Variants in OTX1 observed in about 807,000 individuals in gnomAD.
OTX1 encodes the protein homeobox protein OTX1.
In OTX1, 7 loss-of-function variants were observed where a neutral mutation model predicts 26.7. The ratio of observed to expected loss-of-function variants is 0.26; its 90% CI spans 0.15 to 0.49. The LOEUF (loss-of-function observed/expected upper bound fraction) is 0.49. Among genes scored for constraint, OTX1 ranks in the 20% least tolerant of loss-of-function variants. OTX1 has a pLI of 0.98. For synonymous variants in OTX1, 216 were observed against 212.8 expected (o/e 1.01, Z -0.13); for missense variants, 414 against 483.8 (o/e 0.86, Z 1.35).
rs146221955 is a variant in OTX1 at position 63,055,585 on chromosome 2, T to G, written c.334T>G (p.Ser112Ala). Residue 112 changes from serine to alanine, a missense_variant, in exon 5 of 5, where the codon TCC (serine) becomes GCC (alanine). Ser to Ala is a moderately conservative substitution (Grantham distance 99, BLOSUM62 1). Coordinates refer to ENST00000282549, the MANE Select transcript of OTX1 (RefSeq NM_014562.4). The surrounding 1 kb of genome is among the most constrained non-coding windows in gnomAD (Gnocchi z 5.2). ...GTKSRPAKKK[S>A]SPVRESSGSE... ...CAAGAGCCGCCCAGCCAAGAAGAAGTCCTCTCCAGTGCGGGAGAGCTCGGG... is the reference window on the plus strand; with the variant it reads ...CAAGAGCCGCCCAGCCAAGAAGAAGGCCTCTCCAGTGCGGGAGAGCTCGGG... 2 of 1,613,940 alleles carry G rather than the reference T, an allele frequency of 1.2e-6. No homozygotes were observed. Among genetic ancestry groups the G allele is most frequent in the South Asian group, 2.2e-5 (2 of 91,072 alleles).
In OTX1 at chr2:63,052,968, G is replaced by T; in HGVS notation, c.-23G>T. 6.3e-7 allele frequency: 1 copy of T among 1,576,646 alleles called. No individual in the cohort carries two copies. Among genetic ancestry groups the T allele is most frequent in the Non-Finnish European group, 8.7e-7 (1 of 1,149,918 alleles). ...GCCCCGGGCCCCCTGGATCCGTCGG[G>T]GCGCCTCCACCCAGCTGTTAGCATG... is the stretch of plus-strand genomic sequence containing the variant. On this transcript the variant is annotated 5_prime_UTR_variant, in exon 3 of 5. Coordinates refer to ENST00000282549, the MANE Select transcript of OTX1 (RefSeq NM_014562.4).
intron 3 of OTX1, chr2:63,053,312 G>A (rs550183594): frequency 1.4e-5 from 6 of 444,128 alleles, no homozygotes; most frequent in Non-Finnish European, 2.4e-5. Context: ...GCGCCTTCCC[G>A]GCCGGATCAC....
upstream of OTX1, chr2:63,050,717 C>CAG (rs2153387585): frequency 6.6e-6 from 1 of 152,216 alleles, no homozygotes; most frequent in African/African-American, 2.4e-5. Context: ...CCGGCTCGCG[C>CAG]AGCCATTGCC....
Position 63,056,853 on chromosome 2 carries a change from G to A in OTX1, c.*537G>A, listed in dbSNP as rs1011932421. On this transcript the variant is annotated 3_prime_UTR_variant, in exon 5 of 5. Transcript: ENST00000282549. Reference sequence around the variant, plus strand: ...CCCTCGATTTTGCTCCACGCCTGCCGGCCAGAGCCTCCCGGCGTTTCTTCC... The same window carrying A: ...CCCTCGATTTTGCTCCACGCCTGCCAGCCAGAGCCTCCCGGCGTTTCTTCC... 1 of 154,252 alleles carries A rather than the reference G, an allele frequency of 6.5e-6. No individual in the cohort carries two copies. Among genetic ancestry groups the A allele is most frequent in the Non-Finnish European group, 1.4e-5 (1 of 69,388 alleles). The allele number at this position is 154,252 out of a possible 1,614,324, so 9.6% of individuals were successfully genotyped here.
chr2:63,055,696 C>CCAGCGGCTG lies in OTX1; in HGVS notation c.456_464dup (p.Ala153_Ala155dup). ...CTCGGCGTCCAGCTCTTCCGCCAACCCAGCGGCTGCAGCGGCTGCGGGACT... is the reference window on the plus strand; with the variant it reads ...CTCGGCGTCCAGCTCTTCCGCCAACCCAGCGGCTGCAGCGGCTGCAGCGGCTGCGGGACT... On this transcript the variant is annotated inframe_insertion, in exon 5 of 5. Coordinates refer to ENST00000282549, the MANE Select transcript of OTX1 (RefSeq NM_014562.4). This position sits in a 1 kb window ranked among gnomAD's most constrained non-coding sequence, Gnocchi z 5.2. The CCAGCGGCTG allele has an allele frequency of 1.2e-6, 2 of 1,613,628 alleles. No homozygotes were observed. The highest frequency in any genetic ancestry group is 1.7e-6 in the Non-Finnish European group (2 of 1,179,924).
At position 63,050,849 on chromosome 2, in the gene OTX1, A is replaced by G. The variant is rs1219640243; in HGVS notation, c.-229A>G. The G allele has an allele frequency of 6.6e-6, 1 of 152,266 alleles. No homozygotes were observed. The highest frequency in any genetic ancestry group is 1.5e-5 in the Non-Finnish European group (1 of 68,078). The allele number at this position is 152,266 out of a possible 1,614,324, so 9.4% of individuals were successfully genotyped here. On this transcript the variant is annotated 5_prime_UTR_variant, in exon 1 of 5. Transcript: ENST00000282549. ...AAAGGTGATCAATCTTCATCAGGCTACATTTCCAATCACCTAAACAACCGA... is the reference window on the plus strand; with the variant it reads ...AAAGGTGATCAATCTTCATCAGGCTGCATTTCCAATCACCTAAACAACCGA...
chr2:63,056,578 T>C lies in OTX1; in HGVS notation c.*262T>C. 1.8e-6 allele frequency: 1 copy of C among 545,042 alleles called. No individual in the cohort carries two copies. The highest frequency in any genetic ancestry group is 3.0e-5 in the East Asian group (1 of 33,404). 33.8% of individuals were successfully genotyped at this position (545,042 alleles called of 1,614,324 possible). ...CACATTCTATACAGGAGAGATGTAT[T>C]ATTTCCCCCCTTCAGCCCCTACTAA... On this transcript the variant is annotated 3_prime_UTR_variant, in exon 5 of 5. Coordinates refer to ENST00000282549, the MANE Select transcript of OTX1 (RefSeq NM_014562.4).
Position 63,055,140 on chromosome 2 carries a change from A to G in OTX1, c.250-361A>G, listed in dbSNP as rs972391706. Among the ~76,000 whole-genome samples, 1 of 152,116 alleles carries G rather than the reference A, an allele frequency of 6.6e-6. No individual in the cohort carries two copies. The highest frequency in any genetic ancestry group is 1.5e-5 in the Non-Finnish European group (1 of 68,018). On this transcript the variant is annotated intron_variant, in intron 4 of 4. Transcript: ENST00000282549. This position sits in a 1 kb window ranked among gnomAD's most constrained non-coding sequence, Gnocchi z 5.2. ...TAGAAAACTGGGCCTCCAAACACACACGGGGCCTCCAAACATACACGGAAG... is the reference window on the plus strand; with the variant it reads ...TAGAAAACTGGGCCTCCAAACACACGCGGGGCCTCCAAACATACACGGAAG...
Position 63,054,141 on chromosome 2 carries a change from C to T in OTX1, c.192C>T (p.Asp64=), listed in dbSNP as rs2062047083. 1 of 1,612,214 alleles carries T rather than the reference C, an allele frequency of 6.2e-7. No homozygotes were observed. The highest frequency in any genetic ancestry group is 1.1e-5 in the South Asian group (1 of 90,850). ...TCTTCGCCAAGACTCGCTACCCTGACATCTTCATGCGGGAGGAGGTGGCGC... is the reference window on the plus strand; with the variant it reads ...TCTTCGCCAAGACTCGCTACCCTGATATCTTCATGCGGGAGGAGGTGGCGC... ...EALFAKTRYP[D]IFMREEVALK... The change falls in exon 4 of 5, where the codon GAC becomes GAT. Residue 64 remains aspartate (D), a synonymous_variant. Transcript: ENST00000282549.
In OTX1 at chr2:63,056,328, A is replaced by G. The variant is rs777223000; in HGVS notation, c.*12A>G. 2.5e-6 allele frequency: 4 copies of G among 1,598,720 alleles called. No individual in the cohort carries two copies. In the Admixed American group the frequency reaches 6.8e-5, roughly 27 times the overall value. Reference sequence around the variant, plus strand: ...TCCAGGTCTTGTGAGCCCAGGAATGAAAGAGGAGAAGAAACGCAACTACCT... The same window carrying G: ...TCCAGGTCTTGTGAGCCCAGGAATGGAAGAGGAGAAGAAACGCAACTACCT... On this transcript the variant is annotated 3_prime_UTR_variant, in exon 5 of 5. Coordinates refer to ENST00000282549, the MANE Select transcript of OTX1 (RefSeq NM_014562.4).
chr2:63,053,404 AT>A, intron 3 of OTX1: 1 of 314,744 alleles, frequency 3.2e-6, no homozygotes, highest in Non-Finnish European at 5.7e-6. Context: ...GGCGGCTAGT[AT>A]TTTTCCTTTT....
At chr2:63,052,448 C>A (rs2153387813) in intron 2 of OTX1, among the ~76,000 whole-genome samples, 1 of 152,372 alleles carries the variant, frequency 6.6e-6, no homozygotes, top group Middle Eastern at 3.4e-3. Flanking sequence ...GTAGTCTCTA[C>A]CTTTTCAAAA....
chr2:63,055,452 G>A lies in OTX1; in HGVS notation c.250-49G>A, dbSNP rs2062056606. The A allele has an allele frequency of 6.5e-7, 1 of 1,545,310 alleles. No individual in the cohort carries two copies. The highest frequency in any genetic ancestry group is 2.3e-5 in the East Asian group (1 of 44,126). On this transcript the variant is annotated intron_variant, in intron 4 of 4. Transcript: ENST00000282549. The surrounding 1 kb of genome is among the most constrained non-coding windows in gnomAD (Gnocchi z 5.2). ...GGTCCGCGGGGCGGTGGAGCAACAA[G>A]CTCCCCTAGCTCCCTTTGACCCACT...
intron 2 of OTX1, chr2:63,051,816 C>G (rs1056981280): frequency 6.6e-6 from 1 of 152,568 alleles, no homozygotes; most frequent in East Asian, 1.9e-4. Context: ...AGCGATGGCC[C>G]CCCAGGGCCC....
At position 63,055,484 on chromosome 2, in the gene OTX1, C is replaced by T; in HGVS notation, c.250-17C>T. The stretch of plus-strand genomic sequence containing the variant: ...TAGCTCCCTTTGACCCACTCTCCCC[C>T]ATCCGGCCCACTGCAGGTCTGGTTC... On this transcript the variant is annotated splice_polypyrimidine_tract_variant and intron_variant, in intron 4 of 4. Coordinates refer to ENST00000282549, the MANE Select transcript of OTX1 (RefSeq NM_014562.4). The surrounding 1 kb of genome is among the most constrained non-coding windows in gnomAD (Gnocchi z 5.2). 1 of 1,605,686 alleles carries T rather than the reference C, an allele frequency of 6.2e-7. No homozygotes were observed. Among genetic ancestry groups the T allele is most frequent in the Non-Finnish European group, 8.5e-7 (1 of 1,175,182 alleles).
At chr2:63,053,809 A>G (rs2062044654) in intron 3 of OTX1, 1 of 536,196 alleles carries the variant, frequency 1.9e-6, no homozygotes, top group South Asian at 2.4e-5. Flanking sequence ...TTAACCTCTG[A>G]GAGGCATAGA....
At position 63,056,105 on chromosome 2, in the gene OTX1, C is replaced by A. The variant is rs1274914676; in HGVS notation, c.854C>A (p.Pro285Gln). 2 of 1,614,000 alleles carry A rather than the reference C, an allele frequency of 1.2e-6. No homozygotes were observed. The highest frequency in any genetic ancestry group is 1.3e-5 in the African/African-American group (1 of 75,014). ...CATCACCACCCACATGCGCACCACC[C>A]GTTGAGCCAGTCCTCAGGCCACCAC... ...HHHHHPHAHH[P>Q]LSQSSGHHHH... Residue 285 changes from proline (P) to glutamine (Q), a missense_variant, in exon 5 of 5, where the codon CCG (proline) becomes CAG (glutamine). By Grantham distance (76) the Pro-to-Gln change is moderately conservative. This residue lies in a region of OTX1 where 320 missense variants were observed against 347.9 expected (regional missense o/e 0.92). Coordinates refer to ENST00000282549, the MANE Select transcript of OTX1 (RefSeq NM_014562.4).
rs2062058941 is a variant in OTX1 at position 63,055,721 on chromosome 2, T to C, written c.470T>C (p.Leu157Pro). The C allele has an allele frequency of 1.2e-6, 2 of 1,613,078 alleles. No individual in the cohort carries two copies. Among genetic ancestry groups the C allele is most frequent in the Non-Finnish European group, 1.7e-6 (2 of 1,179,826 alleles). ...ANPAAAAAAG[L>P]GGNPVAAASS... ...CCAGCGGCTGCAGCGGCTGCGGGAC[T>C]AGGTGGGAACCCGGTGGCGGCCGCG... Residue 157 changes from leucine (L) to proline (P), a missense_variant, in exon 5 of 5, where the codon CTA becomes CCA. Leu to Pro is a moderately conservative substitution (Grantham distance 98). Coordinates refer to ENST00000282549, the MANE Select transcript of OTX1 (RefSeq NM_014562.4). The surrounding 1 kb of genome is among the most constrained non-coding windows in gnomAD (Gnocchi z 5.2).
rs974275081 is a variant in OTX1, at chr2:63,057,617, G to A, written c.*1301G>A. On this transcript the variant is annotated 3_prime_UTR_variant, in exon 5 of 5. Coordinates refer to ENST00000282549, the MANE Select transcript of OTX1 (RefSeq NM_014562.4). ...TCAACACCCTTGTTTTGTCTAGTGA[G>A]TTTTTAGTGCACCTTCGTTCTCCGA... is the stretch of plus-strand genomic sequence containing the variant. 2.6e-5 allele frequency: 4 copies of A among 152,206 alleles called. No individual in the cohort carries two copies. Among genetic ancestry groups the A allele is most frequent in the Non-Finnish European group, 5.9e-5 (4 of 68,042 alleles). The allele number at this position is 152,206 out of a possible 1,614,324, so 9.4% of individuals were successfully genotyped here. A position where few individuals can be genotyped will look rare whatever the true frequency, so the allele number is the denominator to read the frequency against.
Sources: allele counts gnomAD v4.1 joint callset (sites outside exome capture counted in the v4.1 genomes callset), GRCh38; gene constraint gnomAD v4.1.1; regional missense constraint gnomAD v4.1.1; non-coding constraint Gnocchi (gnomAD v3.1); transcripts MANE v1.5; gene names NCBI Gene and HGNC (gene_info 2026-07-23, HGNC 2026-07-21).